ROR2: variants seen among roughly 807,000 people sequenced by gnomAD.
ROR2 encodes ROR family WNT receptor 2.
In ROR2, 33 loss-of-function variants were observed where a neutral mutation model predicts 74.9. That is an observed-to-expected ratio of 0.44 (90% confidence interval 0.33 to 0.59). ROR2 has a LOEUF of 0.59. Ranked by LOEUF, ROR2 falls within the 20% of genes least tolerant of loss-of-function variation. ROR2 has a pLI of 0.02. For missense variants in ROR2, 1,216 were observed against 1,313.8 expected (o/e 0.93, Z 1.15); for synonymous variants, 586 against 558.7 (o/e 1.05, Z -0.69).
intron 1 of ROR2, among the ~76,000 whole-genome samples, chr9:91,827,121 T>C (rs1461415425): frequency 6.6e-6 from 1 of 152,140 alleles, no homozygotes; most frequent in Non-Finnish European, 1.5e-5. Flanking sequence ...CCTGCTACAT[T>C]AACTTTTAAT....
intron 1 of ROR2, among the ~76,000 whole-genome samples, chr9:91,780,155 G>A (rs1353260318): frequency 6.6e-6 from 1 of 152,214 alleles, no homozygotes; most frequent in Non-Finnish European, 1.5e-5. Context: ...ACTTTGGGAG[G>A]CCAAGGCGGG....
Position 91,766,555 on chromosome 9 carries a change from G to A in ROR2, c.176-8996C>T, listed in dbSNP as rs118023197. 9.4e-4 allele frequency among the ~76,000 whole-genome samples: 143 copies of A among 152,292 alleles called. 3 individuals carry two copies. In the East Asian group the frequency reaches 0.025, roughly 27 times the overall value. ...TTCTCTAGGGGCCAAACATGAAAGC[G>A]GGAAAGAAAGCTCTCTAGAGATTAA... On this transcript the variant is annotated intron_variant, in intron 2 of 8. Coordinates refer to ENST00000375708, the MANE Select transcript of ROR2 (RefSeq NM_004560.4).
intron 1 of ROR2, among the ~76,000 whole-genome samples, chr9:91,909,853 T>TTTTG (rs1830923416): frequency 3.6e-5 from 4 of 109,796 alleles, no homozygotes; most frequent in Non-Finnish European, 5.7e-5. Flanking sequence ...TTTTGTTTTT[T>TTTTG]TTTTTTTTTT....
chr9:91,849,046 A>G (rs1485003715), intron 1 of ROR2, among the ~76,000 whole-genome samples: 1 of 152,120 alleles, frequency 6.6e-6, no homozygotes, highest in Non-Finnish European at 1.5e-5. Context: ...ACCCTCCATC[A>G]TCCCATCCGA....
chr9:91,858,567 C>G (rs80340661), intron 1 of ROR2, among the ~76,000 whole-genome samples: 6,230 of 152,288 alleles, frequency 0.041, 182 homozygotes, highest in East Asian at 0.097. Context: ...GTGTACTTAA[C>G]AAGCCTTCTG....
At chr9:91,940,594 CTTTT>C (rs570738211) in intron 1 of ROR2, among the ~76,000 whole-genome samples, 1 of 142,666 alleles carries the variant, frequency 7.0e-6, no homozygotes, top group Non-Finnish European at 1.5e-5. Context: ...ACGTGCAATT[CTTTT>C]TTTTTTTTTT....
chr9:91,839,418 G>A (rs1016278105), intron 1 of ROR2, among the ~76,000 whole-genome samples: 1 of 151,492 alleles, frequency 6.6e-6, no homozygotes. Context: ...GGTCTGTGGG[G>A]TGTGTGTGTA....
At chr9:91,917,392 T>C (rs534941940) in intron 1 of ROR2, among the ~76,000 whole-genome samples, 1 of 152,150 alleles carries the variant, frequency 6.6e-6, no homozygotes, top group South Asian at 2.1e-4. Flanking sequence ...CATGGGGAAG[T>C]ACGATCCATG....
intron 1 of ROR2, among the ~76,000 whole-genome samples, chr9:91,862,815 AG>A (rs1296688103): frequency 6.6e-6 from 1 of 152,224 alleles, no homozygotes; most frequent in Non-Finnish European, 1.5e-5. Context: ...CTGTTGTTTA[AG>A]CCCCCCAGTC....
At position 91,723,786 on chromosome 9, in the gene ROR2, T is replaced by C. The variant is rs1305393719; in HGVS notation, c.2708A>G (p.Asp903Gly). 2 of 1,613,694 alleles carry C rather than the reference T, an allele frequency of 1.2e-6. No homozygotes were observed. The highest frequency in any genetic ancestry group is 1.7e-5 in the Admixed American group (1 of 60,012). Residue 903 changes from aspartate (D) to glycine (G), a missense_variant, in exon 9 of 9, where the codon GAT becomes GGT. Transcript: ENST00000375708. ...GADDTQNAPE[D>G]GAQSTVQEAE... ...TTCCTGCACGGTGCTCTGGGCCCCATCTTCTGGGGCGTTCTGTGTGTCATC... is the reference window on the plus strand; with the variant it reads ...TTCCTGCACGGTGCTCTGGGCCCCACCTTCTGGGGCGTTCTGTGTGTCATC...
intron 1 of ROR2, among the ~76,000 whole-genome samples, chr9:91,782,537 G>C (rs907123498): frequency 1.5e-5 from 2 of 133,450 alleles, no homozygotes; most frequent in African/African-American, 5.6e-5. Flanking sequence ...AAGAATAATT[G>C]TCTTGGGCCA....
intron 1 of ROR2, among the ~76,000 whole-genome samples, chr9:91,922,460 T>TTA (rs1312426629): frequency 3.9e-5 from 6 of 152,184 alleles, no homozygotes; most frequent in African/African-American, 1.2e-4. Flanking sequence ...ATTTTTTTAT[T>TTA]TTTTATTTTT....
At chr9:91,879,482 C>T (rs919993609) in intron 1 of ROR2, among the ~76,000 whole-genome samples, 2 of 150,724 alleles carry the variant, frequency 1.3e-5, no homozygotes, top group Non-Finnish European at 3.0e-5. Context: ...ATTCAAAAGT[C>T]ACAAGAGTGA....
chr9:91,894,930 G>C (rs1830501484), intron 1 of ROR2, among the ~76,000 whole-genome samples: 1 of 152,142 alleles, frequency 6.6e-6, no homozygotes, highest in Non-Finnish European at 1.5e-5. Flanking sequence ...ACACTCCTTG[G>C]TATAAGGAGA....
chr9:91,812,590 C>G (rs76397354), intron 1 of ROR2, among the ~76,000 whole-genome samples: 13,333 of 149,142 alleles, frequency 0.089, 947 homozygotes, highest in African/African-American at 0.19. Flanking sequence ...GTGTGTGTGG[C>G]CTGTCGCACA....
At chr9:91,834,998 G>A (rs980187146) in intron 1 of ROR2, among the ~76,000 whole-genome samples, 2 of 151,698 alleles carry the variant, frequency 1.3e-5, no homozygotes, top group South Asian at 2.1e-4. Flanking sequence ...GGGCACAAAC[G>A]TCACTGTGGG....
chr9:91,939,233 A>AGCGAG (rs1310887797), intron 1 of ROR2, among the ~76,000 whole-genome samples: 2 of 152,234 alleles, frequency 1.3e-5, no homozygotes, highest in East Asian at 3.9e-4. Flanking sequence ...CTGGCGACAA[A>AGCGAG]GCGAGACTCC....
At chr9:91,863,173 C>T (rs557907839) in intron 1 of ROR2, among the ~76,000 whole-genome samples, 44 of 152,322 alleles carry the variant, frequency 2.9e-4, no homozygotes, top group African/African-American at 1.0e-3. Context: ...TTCTTTGGGC[C>T]AACAAGCCCA....
At chr9:91,786,158 CAAAA>C (rs35972600) in intron 1 of ROR2, among the ~76,000 whole-genome samples, 6 of 56,540 alleles carry the variant, frequency 1.1e-4, no homozygotes, top group Admixed American at 2.7e-4. Flanking sequence ...CTGTTTCTAC[CAAAA>C]AAAAAAAAAA....
Sources: gnomAD v4.1 joint callset for allele counts (sites outside exome capture counted in the v4.1 genomes callset) on GRCh38, gnomAD v4.1.1 for gene constraint, MANE v1.5 for transcripts, NCBI Gene and HGNC (gene_info 2026-07-23, HGNC 2026-07-21) for gene names.